The following TGFBR2 variants were observed in gnomAD, a reference collection of about 807,000 sequenced individuals.
TGFBR2 encodes transforming growth factor beta receptor 2, also known as TGF-beta receptor type-2.
A neutral mutation model predicts 49.0 loss-of-function variants in TGFBR2; 18 were observed. The observed-to-expected ratio is 0.37, with a 90% confidence interval of 0.25 to 0.54. TGFBR2 has a LOEUF of 0.54. Ranked by LOEUF, TGFBR2 falls within the 20% of genes least tolerant of loss-of-function variation. The pLI is 0.85. For missense variants in TGFBR2, 525 were observed against 722.6 expected, an observed-to-expected ratio of 0.73 and a Z score of 3.13; for synonymous variants, 282 against 275.9, an observed-to-expected ratio of 1.02 and a Z score of -0.22.
At chr3:30,607,796 A>G (rs1697950189) in intron 1 of TGFBR2, among the ~76,000 whole-genome samples, 1 of 134,364 alleles carries the variant, frequency 7.4e-6, no homozygotes, top group East Asian at 2.1e-4. Flanking sequence ...ATAAAAATAA[A>G]AAAATATATA....
chr3:30,617,529 T>TA (rs1698154274), intron 1 of TGFBR2, among the ~76,000 whole-genome samples: 1 of 152,190 alleles, frequency 6.6e-6, no homozygotes, highest in Admixed American at 6.5e-5. Context: ...TGGGCACTCT[T>TA]ACTTTTATTT....
At chr3:30,613,594 C>T (rs1241778564) in intron 1 of TGFBR2, among the ~76,000 whole-genome samples, 1 of 151,966 alleles carries the variant, frequency 6.6e-6, no homozygotes, top group Non-Finnish European at 1.5e-5. Context: ...GTCCACATAT[C>T]ACAAGGCCCC....
At chr3:30,654,775 A>G (rs1400285123) in intron 3 of TGFBR2, among the ~76,000 whole-genome samples, 2 of 152,220 alleles carry the variant, frequency 1.3e-5, no homozygotes, top group East Asian at 1.9e-4. Flanking sequence ...TTACTTGCCA[A>G]TGACATCCCC....
intron 1 of TGFBR2, among the ~76,000 whole-genome samples, chr3:30,634,247 A>G (rs974841221): frequency 1.3e-5 from 2 of 152,168 alleles, no homozygotes; most frequent in African/African-American, 4.8e-5. Context: ...TCTAATAGTC[A>G]CTATCTTTTA....
chr3:30,607,902 A>G (rs1697959979), intron 1 of TGFBR2, among the ~76,000 whole-genome samples: 1 of 147,398 alleles, frequency 6.8e-6, no homozygotes, highest in Non-Finnish European at 1.5e-5. Context: ...GTTCTTAACT[A>G]TTTGTTATGG....
At chr3:30,661,569 A>T (rs1266319935) in intron 3 of TGFBR2, 1 of 515,584 alleles carries the variant, frequency 1.9e-6, no homozygotes, top group Non-Finnish European at 3.9e-6. Context: ...CAAACAATCG[A>T]TTGCAAAGGA....
chr3:30,692,673 G>T lies in TGFBR2; in HGVS notation c.*1074G>T. The T allele has an allele frequency of 8.6e-6, 2 of 233,148 alleles. No individual in the cohort carries two copies. Among genetic ancestry groups the T allele is most frequent in the Non-Finnish European group, 1.7e-5 (2 of 117,906 alleles). 14.4% of individuals were successfully genotyped at this position (233,148 alleles called of 1,614,324 possible). Reference sequence around the variant, plus strand: ...GTTCCATCTTTCTGGGCTCCTGATTGCTCAAGCACAGTTTGGCCTGATGAA... The same window carrying T: ...GTTCCATCTTTCTGGGCTCCTGATTTCTCAAGCACAGTTTGGCCTGATGAA... On this transcript the variant is annotated 3_prime_UTR_variant, in exon 7 of 7. Coordinates refer to ENST00000295754, the MANE Select transcript of TGFBR2 (RefSeq NM_003242.6).
At chr3:30,637,617 T>C (rs1212614703) in intron 1 of TGFBR2, among the ~76,000 whole-genome samples, 1 of 152,244 alleles carries the variant, frequency 6.6e-6, no homozygotes, top group Non-Finnish European at 1.5e-5. Flanking sequence ...CAAGTAACTC[T>C]ATACATTGGT....
intron 3 of TGFBR2, among the ~76,000 whole-genome samples, chr3:30,663,660 G>A (rs893531810): frequency 4.6e-5 from 7 of 152,144 alleles, no homozygotes; most frequent in Non-Finnish European, 1.0e-4. Flanking sequence ...CAGGAATAGT[G>A]ATTACTTTTT....
At chr3:30,665,532 G>A (rs1481027714) in intron 3 of TGFBR2, among the ~76,000 whole-genome samples, 1 of 152,202 alleles carries the variant, frequency 6.6e-6, no homozygotes, top group African/African-American at 2.4e-5. Flanking sequence ...TTTCAAAGGA[G>A]GGCTTCTCCT....
intron 3 of TGFBR2, among the ~76,000 whole-genome samples, chr3:30,666,352 A>G (rs940868786): frequency 6.6e-6 from 1 of 152,180 alleles, no homozygotes; most frequent in Non-Finnish European, 1.5e-5. Flanking sequence ...CTGAGAAAAG[A>G]AAAAGATTTG....
At chr3:30,685,766 G>A (rs1699610076) in intron 5 of TGFBR2, among the ~76,000 whole-genome samples, 1 of 152,214 alleles carries the variant, frequency 6.6e-6, no homozygotes, top group Non-Finnish European at 1.5e-5. Context: ...AAGGGTGAAG[G>A]TGTGAGCCCT....
chr3:30,638,301 A>T (rs371787770), intron 1 of TGFBR2, among the ~76,000 whole-genome samples: 1 of 152,208 alleles, frequency 6.6e-6, no homozygotes, highest in Non-Finnish European at 1.5e-5. Context: ...TTTCACAGAG[A>T]TTTTAGAGTA....
intron 1 of TGFBR2, among the ~76,000 whole-genome samples, chr3:30,608,128 G>A (rs1435633063): frequency 2.0e-5 from 3 of 151,774 alleles, no homozygotes; most frequent in African/African-American, 2.4e-5. Flanking sequence ...TAGTAGAGAC[G>A]GGGTTTCACC....
chr3:30,618,871 T>G lies in TGFBR2; in HGVS notation c.94+11894T>G, dbSNP rs1279979475. On this transcript the variant is annotated intron_variant, in intron 1 of 6. Coordinates refer to ENST00000295754, the MANE Select transcript of TGFBR2 (RefSeq NM_003242.6). ...TTTTAGACTTTTCTGAGAGTGCCAC[T>G]GTAGGCTTTTTCATTGATTTGCTCC... 2.0e-5 allele frequency among the ~76,000 whole-genome samples: 3 copies of G among 152,310 alleles called. No homozygotes were observed. In the East Asian group the frequency reaches 5.8e-4, roughly 29 times the overall value.
chr3:30,664,814 G>C (rs1037029487), intron 3 of TGFBR2, among the ~76,000 whole-genome samples: 1 of 152,172 alleles, frequency 6.6e-6, no homozygotes, highest in Non-Finnish European at 1.5e-5. Flanking sequence ...AAAAATAAAA[G>C]CATTAAATTA....
intron 1 of TGFBR2, among the ~76,000 whole-genome samples, chr3:30,624,477 G>A (rs1339638643): frequency 1.3e-5 from 2 of 151,868 alleles, no homozygotes; most frequent in Non-Finnish European, 2.9e-5. Context: ...TTAACTGGGC[G>A]TGGTGGCACG....
intron 6 of TGFBR2, among the ~76,000 whole-genome samples, chr3:30,690,302 C>A (rs1480752125): frequency 1.3e-5 from 2 of 152,210 alleles, no homozygotes; most frequent in Admixed American, 1.3e-4. Flanking sequence ...AAAATATTTG[C>A]AATGCAAAAT....
At chr3:30,616,242 T>A (rs1161129778) in intron 1 of TGFBR2, among the ~76,000 whole-genome samples, 1 of 152,204 alleles carries the variant, frequency 6.6e-6, no homozygotes, top group African/African-American at 2.4e-5. Context: ...CTCTTCCTCC[T>A]TCCCCCCATT....
Sources: allele counts gnomAD v4.1 joint callset (sites outside exome capture counted in the v4.1 genomes callset), GRCh38; gene constraint gnomAD v4.1.1; transcripts MANE v1.5; gene names NCBI Gene and HGNC (gene_info 2026-07-23, HGNC 2026-07-21).